Variants in PCDHA7 observed in about 807,000 individuals in gnomAD.
The protein encoded by PCDHA7 is protocadherin alpha-7.
A neutral mutation model predicts 57.2 loss-of-function variants in PCDHA7; 37 were observed. That is an observed-to-expected ratio of 0.65 (90% CI 0.50 to 0.85). The LOEUF (loss-of-function observed/expected upper bound fraction) is 0.85, where lower values mean the gene tolerates loss of function less well. Among genes scored for constraint, PCDHA7 ranks in the 40% least tolerant of loss-of-function variants. PCDHA7 has a pLI of 0.00. For synonymous variants in PCDHA7, 553 were observed against 558.8 expected (o/e 0.99, Z 0.15); for missense variants, 1,188 against 1,241.8 (o/e 0.96, Z 0.65).
chr5:140,834,577 G>C lies in PCDHA7; in HGVS notation c.194G>C (p.Arg65Pro), dbSNP rs1554134334. The C allele has an allele frequency of 1.2e-6, 2 of 1,614,058 alleles. No individual in the cohort carries two copies. The highest frequency in any genetic ancestry group is 1.7e-6 in the Non-Finnish European group (2 of 1,179,964). The stretch of plus-strand genomic sequence containing the variant: ...GCGGAGCTGGTGCCGCGCCTGTTCC[G>C]GGCGGTGTGCAAATTCCGTGGGGAT... The part of the protein sequence containing the change: ...ELAELVPRLF[R>P]AVCKFRGDLL... The change falls in exon 1 of 4, where the codon CGG becomes CCG. Residue 65 changes from arginine to proline, a missense_variant. Transcript: ENST00000525929.
intron 1 of PCDHA7, chr5:140,841,148 C>G: frequency 1.3e-6 from 1 of 776,052 alleles, no homozygotes. Context: ...CATGATGTCG[C>G]TGTCTACCAA....
chr5:140,920,908 T>G (rs1333150217), intron 1 of PCDHA7, among the ~76,000 whole-genome samples: 1 of 151,136 alleles, frequency 6.6e-6, no homozygotes, highest in Non-Finnish European at 1.5e-5. Context: ...GGTTCTCAAA[T>G]CAGTTCCAAG....
Position 140,836,428 on chromosome 5 carries a change from C to T in PCDHA7, c.2045C>T (p.Ala682Val), listed in dbSNP as rs2150260814. Reference protein sequence around the residue: ...SGQAPKASSRASLGIAGPETE... With the variant: ...SGQAPKASSRVSLGIAGPETE... ...CAGGCACCAAAGGCGTCGTCGCGGG[C>T]ATCGTTGGGCATTGCAGGCCCAGAG... Residue 682 changes from alanine to valine, a missense_variant, in exon 1 of 4, where the codon GCA (alanine) becomes GTA (valine). By Grantham distance (64) the Ala-to-Val change is moderately conservative (BLOSUM62 0). Transcript: ENST00000525929. 1.5e-5 allele frequency: 24 copies of T among 1,613,854 alleles called. No individual in the cohort carries two copies. Among genetic ancestry groups the T allele is most frequent in the Non-Finnish European group, 1.9e-5 (22 of 1,179,866 alleles).
chr5:140,977,762 C>T (rs996806241), intron 1 of PCDHA7, among the ~76,000 whole-genome samples: 6 of 152,124 alleles, frequency 3.9e-5, no homozygotes, highest in Non-Finnish European at 5.9e-5. Context: ...TTATTAAATA[C>T]TTTGCATCCC....
chr5:140,842,488 G>A, intron 1 of PCDHA7: 3 of 1,613,912 alleles, frequency 1.9e-6, no homozygotes, highest in Non-Finnish European at 1.7e-6. Flanking sequence ...CCTGCTCCCT[G>A]ATGCCCCATG....
intron 1 of PCDHA7, among the ~76,000 whole-genome samples, chr5:140,918,659 G>A (rs1584109247): frequency 6.6e-6 from 1 of 152,172 alleles, no homozygotes; most frequent in Non-Finnish European, 1.5e-5. Context: ...TTCTCATGTT[G>A]ATGGTATGAA....
intron 1 of PCDHA7, among the ~76,000 whole-genome samples, chr5:140,899,167 T>C (rs1314014582): frequency 3.3e-5 from 5 of 152,124 alleles, no homozygotes; most frequent in Admixed American, 6.5e-5. Context: ...CTTTTCCTAA[T>C]TGAATACCCT....
chr5:140,863,884 C>T (rs1388458800), intron 1 of PCDHA7: 1 of 167,076 alleles, frequency 6.0e-6, no homozygotes, highest in Non-Finnish European at 1.3e-5. Flanking sequence ...ACCTGTAATC[C>T]CAGCTACTCA....
intron 1 of PCDHA7, chr5:140,841,412 C>T (rs2150314878): frequency 6.2e-7 from 1 of 1,613,052 alleles, no homozygotes; most frequent in Admixed American, 1.7e-5. Context: ...GAGCGGCCAG[C>T]TCCACTACTC....
intron 1 of PCDHA7, among the ~76,000 whole-genome samples, chr5:140,906,677 A>C (rs1239152358): frequency 6.6e-6 from 1 of 152,134 alleles, no homozygotes; most frequent in Admixed American, 6.5e-5. Context: ...CCAAACCTTC[A>C]TTCCTGAAGG....
At chr5:140,876,762 G>T in intron 1 of PCDHA7, 1 of 1,614,252 alleles carries the variant, frequency 6.2e-7, no homozygotes, top group South Asian at 1.1e-5. Flanking sequence ...CGCGGGATGG[G>T]GGCTCGCCTT....
At chr5:140,838,209 G>C (rs1580889763) in intron 1 of PCDHA7, among the ~76,000 whole-genome samples, 1 of 149,446 alleles carries the variant, frequency 6.7e-6, no homozygotes, top group Admixed American at 6.7e-5. Flanking sequence ...CGCCTCTCTG[G>C]TACAAGCAGT....
intron 1 of PCDHA7, among the ~76,000 whole-genome samples, chr5:140,908,703 C>T (rs751488038): frequency 5.9e-5 from 9 of 152,318 alleles, no homozygotes; most frequent in Non-Finnish European, 1.3e-4. Flanking sequence ...ACCTCAAGCA[C>T]CATTGGATCT....
chr5:140,961,672 A>T (rs1463428757), intron 1 of PCDHA7, among the ~76,000 whole-genome samples: 2 of 152,182 alleles, frequency 1.3e-5, no homozygotes, highest in East Asian at 3.8e-4. Flanking sequence ...ACCAGTTTTT[A>T]ATTAAGCCGG....
intron 3 of PCDHA7, among the ~76,000 whole-genome samples, chr5:140,998,895 A>G (rs545479952): frequency 1.3e-4 from 20 of 152,354 alleles, no homozygotes; most frequent in Non-Finnish European, 1.8e-4. Flanking sequence ...ATAAATAACA[A>G]TGCCTCCGGG....
chr5:140,887,306 C>G (rs2061398552), intron 1 of PCDHA7, among the ~76,000 whole-genome samples: 1 of 152,096 alleles, frequency 6.6e-6, no homozygotes. Flanking sequence ...TCTTGTTAGC[C>G]AGGATAGTCT....
At chr5:140,893,879 G>A (rs747246517) in intron 1 of PCDHA7, among the ~76,000 whole-genome samples, 26 of 152,060 alleles carry the variant, frequency 1.7e-4, no homozygotes, top group Admixed American at 4.6e-4. Flanking sequence ...GATCCAAAGT[G>A]GCCAGAAAGT....
Position 140,863,430 on chromosome 5 carries a change from A to G in PCDHA7, c.2355+26692A>G, listed in dbSNP as rs782084592. ...CGCTGGTGTACCGCAGCGTAGTGGG[A>G]TCTGGTCTTACTCGCAGCAAAGGAG... On this transcript the variant is annotated intron_variant, in intron 1 of 3. Coordinates refer to ENST00000525929, the MANE Select transcript of PCDHA7 (RefSeq NM_018910.3). The G allele has an allele frequency of 4.5e-5, 29 of 647,180 alleles. 1 individual carries two copies. In the Admixed American group the frequency reaches 5.6e-4, roughly 13 times the overall value. The allele number at this position is 647,180 out of a possible 1,614,324, so 40.1% of individuals were successfully genotyped here. A position where few individuals can be genotyped will look rare whatever the true frequency, so the allele number is the denominator to read the frequency against.
intron 1 of PCDHA7, chr5:140,856,917 G>C (rs782649806): frequency 6.3e-7 from 1 of 1,595,592 alleles, no homozygotes; most frequent in Non-Finnish European, 8.6e-7. Context: ...ACGATAAGAA[G>C]GAAATTTTGG....
Sources: gnomAD v4.1 joint callset for allele counts (sites outside exome capture counted in the v4.1 genomes callset) on GRCh38, gnomAD v4.1.1 for gene constraint, MANE v1.5 for transcripts, NCBI Gene and HGNC (gene_info 2026-07-23, HGNC 2026-07-21) for gene names.